TAFA4: variants seen among roughly 807,000 people sequenced by gnomAD.
The protein encoded by TAFA4 is chemokine-like protein TAFA-4.
In TAFA4, 20 loss-of-function variants were observed where a neutral mutation model predicts 21.1. That is an observed-to-expected ratio of 0.95 (90% CI 0.67 to 1.38). TAFA4 has a LOEUF of 1.38. Ranked by LOEUF, TAFA4 falls within the 40% of genes most tolerant of loss-of-function variation. The pLI, the probability that TAFA4 is intolerant of heterozygous loss-of-function variation, is 0.00. For synonymous variants in TAFA4, 71 were observed against 67.4 expected (o/e 1.05, Z -0.26); for missense variants, 211 against 180.9 (o/e 1.17, Z -0.95).
chr3:68,763,743 T>C (rs1028618571), intron 3 of TAFA4, among the ~76,000 whole-genome samples: 2 of 152,080 alleles, frequency 1.3e-5, no homozygotes, highest in African/African-American at 4.8e-5. Context: ...TGTTTACCAC[T>C]TTTTTTCTAA....
At chr3:68,931,466 T>C (rs559870710) in intron 1 of TAFA4, among the ~76,000 whole-genome samples, 2 of 152,228 alleles carry the variant, frequency 1.3e-5, no homozygotes, top group South Asian at 4.2e-4. Flanking sequence ...TTGGGCAGCC[T>C]CACCAGGTGC....
chr3:68,833,586 A>G (rs1028262923), intron 3 of TAFA4, among the ~76,000 whole-genome samples: 2 of 152,236 alleles, frequency 1.3e-5, no homozygotes, highest in Non-Finnish European at 2.9e-5. Flanking sequence ...TCTAAAAATA[A>G]GTCAAATAAG....
chr3:68,773,495 G>A (rs1184224757), intron 3 of TAFA4, among the ~76,000 whole-genome samples: 1 of 152,128 alleles, frequency 6.6e-6, no homozygotes, highest in Non-Finnish European at 1.5e-5. Flanking sequence ...CTGGCCATGT[G>A]ACTAAACCCA....
At chr3:68,922,446 AGTTC>A (rs1187008055) in intron 1 of TAFA4, among the ~76,000 whole-genome samples, 2 of 152,226 alleles carry the variant, frequency 1.3e-5, no homozygotes, top group East Asian at 3.8e-4. Context: ...AATCCAACAA[AGTTC>A]AGAATTTGCA....
At chr3:68,753,798 A>G (rs1702608501) in intron 3 of TAFA4, among the ~76,000 whole-genome samples, 1 of 152,212 alleles carries the variant, frequency 6.6e-6, no homozygotes, top group Non-Finnish European at 1.5e-5. Context: ...TCTCAGTCCT[A>G]CAACCTCAAG....
intron 3 of TAFA4, among the ~76,000 whole-genome samples, chr3:68,815,822 C>T (rs940515902): frequency 1.3e-5 from 2 of 152,044 alleles, no homozygotes; most frequent in East Asian, 3.9e-4. Flanking sequence ...GGGTATATAC[C>T]CAAAGGACTA....
chr3:68,802,035 C>T (rs1703589651), intron 3 of TAFA4, among the ~76,000 whole-genome samples: 1 of 152,038 alleles, frequency 6.6e-6, no homozygotes, highest in African/African-American at 2.4e-5. Flanking sequence ...GTAAATGCAG[C>T]AAAGCAATAT....
intron 1 of TAFA4, among the ~76,000 whole-genome samples, chr3:68,912,221 A>G (rs1056989062): frequency 3.3e-5 from 5 of 152,148 alleles, no homozygotes; most frequent in African/African-American, 1.2e-4. Flanking sequence ...TTTAATCATG[A>G]AACCACAGGG....
rs1224707620 is a variant in TAFA4 at position 68,771,859 on chromosome 3, A to G, written c.131-18841T>C. On this transcript the variant is annotated intron_variant, in intron 3 of 5. Transcript: ENST00000295569. Reference sequence around the variant, plus strand: ...ATTGTGTGTTACCAAACCTGCTTACATCATTTGTAGTAGCTGGAATTATGC... The same window carrying G: ...ATTGTGTGTTACCAAACCTGCTTACGTCATTTGTAGTAGCTGGAATTATGC... Among the ~76,000 whole-genome samples, 3 of 152,252 alleles carry G rather than the reference A, an allele frequency of 2.0e-5. No homozygotes were observed. In the East Asian group the frequency reaches 5.8e-4, roughly 29 times the overall value.
intron 3 of TAFA4, among the ~76,000 whole-genome samples, chr3:68,828,327 T>C (rs183629842): frequency 6.6e-6 from 1 of 152,328 alleles, no homozygotes; most frequent in Non-Finnish European, 1.5e-5. Context: ...TCCAGCTTTG[T>C]TCTTTTGGCT....
chr3:68,918,871 T>A (rs1376263234), intron 1 of TAFA4, among the ~76,000 whole-genome samples: 1 of 152,150 alleles, frequency 6.6e-6, no homozygotes, highest in Non-Finnish European at 1.5e-5. Flanking sequence ...CAGATTTTTA[T>A]AAACTTTCTG....
intron 3 of TAFA4, among the ~76,000 whole-genome samples, chr3:68,859,363 C>T (rs917834512): frequency 5.3e-5 from 8 of 152,134 alleles, no homozygotes; most frequent in Non-Finnish European, 1.0e-4. Flanking sequence ...CCCCCTGAGA[C>T]ACTTAACCTG....
chr3:68,770,320 A>T (rs1265112363), intron 3 of TAFA4, among the ~76,000 whole-genome samples: 1 of 152,186 alleles, frequency 6.6e-6, no homozygotes, highest in African/African-American at 2.4e-5. Flanking sequence ...AGGGTAGAAA[A>T]GTTTGTGACA....
At chr3:68,755,129 C>T (rs559854653) in intron 3 of TAFA4, among the ~76,000 whole-genome samples, 4 of 152,270 alleles carry the variant, frequency 2.6e-5, no homozygotes, top group East Asian at 1.9e-4. Flanking sequence ...CAATCTAGCA[C>T]CACAGTTTCT....
intron 3 of TAFA4, among the ~76,000 whole-genome samples, chr3:68,795,058 C>T (rs1001455257): frequency 4.0e-5 from 6 of 149,284 alleles, no homozygotes; most frequent in Non-Finnish European, 7.4e-5. Context: ...TTTTTGTCCT[C>T]AGCACACAGG....
At chr3:68,748,543 C>T (rs779063265) in intron 4 of TAFA4, among the ~76,000 whole-genome samples, 9 of 152,100 alleles carry the variant, frequency 5.9e-5, no homozygotes, top group Non-Finnish European at 1.2e-4. Context: ...GAGATCGAGA[C>T]CATCCTGGCT....
intron 3 of TAFA4, among the ~76,000 whole-genome samples, chr3:68,850,088 A>G (rs1438306587): frequency 6.6e-6 from 1 of 152,198 alleles, no homozygotes; most frequent in Non-Finnish European, 1.5e-5. Flanking sequence ...TGAAACAACC[A>G]GAATCTATAC....
At chr3:68,865,012 G>A (rs1023390088) in intron 3 of TAFA4, among the ~76,000 whole-genome samples, 7 of 151,820 alleles carry the variant, frequency 4.6e-5, no homozygotes, top group African/African-American at 1.7e-4. Context: ...TGGGGTGAAG[G>A]GTTTATTCAT....
rs1702583247 is a variant in TAFA4, at chr3:68,752,915, G to A, written c.234C>T (p.Cys78=). The change falls in exon 4 of 6, where the codon TGC becomes TGT. Residue 78 remains cysteine (C), a synonymous_variant. Transcript: ENST00000295569. ...EERSQTVKCS[C]FPGQVAGTTR... is the part of the protein sequence containing the mutation. The stretch of plus-strand genomic sequence containing the variant: ...TTGTGCCCGCCACCTGTCCCGGGAA[G>A]CAAGAGCACTTGACCGTTTGTGACC... The A allele has an allele frequency of 3.1e-6, 5 of 1,613,998 alleles. No individual in the cohort carries two copies. The South Asian group carries it at 4.4e-5, about 14-fold the overall frequency.
Sources: allele counts gnomAD v4.1 joint callset (sites outside exome capture counted in the v4.1 genomes callset), GRCh38; gene constraint gnomAD v4.1.1; transcripts MANE v1.5; gene names NCBI Gene and HGNC (gene_info 2026-07-23, HGNC 2026-07-21).